Variants in TULP4 observed in about 807,000 individuals in gnomAD.
The protein encoded by TULP4 is TUB like protein 4, also known as tubby-related protein 4.
TULP4 carries 16 observed loss-of-function variants against 129.0 expected under a neutral mutation model. That is an observed-to-expected ratio of 0.12 (90% CI 0.08 to 0.19). TULP4 has a LOEUF of 0.19. Among genes scored for constraint, TULP4 ranks in the 10% least tolerant of loss-of-function variants. The probability of loss-of-function intolerance (pLI) is 1.00; values close to 1 mark genes in which losing one functional copy is unlikely to be tolerated. For missense variants in TULP4, 1,842 were observed against 2,059.1 expected, an observed-to-expected ratio of 0.89 and a Z score of 2.04; for synonymous variants, 998 against 854.0, an observed-to-expected ratio of 1.17 and a Z score of -2.94.
chr6:158,385,950 T>A (rs2114930060), intron 1 of TULP4, among the ~76,000 whole-genome samples: 1 of 146,970 alleles, frequency 6.8e-6, no homozygotes, highest in Non-Finnish European at 1.5e-5. Context: ...GCTCAAGCAA[T>A]CCTCCTGCAT....
At chr6:158,278,387 GTTTT>G (rs778202071), upstream of TULP4, among the ~76,000 whole-genome samples, 4 of 140,424 alleles carry the variant, frequency 2.8e-5, no homozygotes, top group Non-Finnish European at 6.3e-5. Flanking sequence ...GAAAATACTA[GTTTT>G]TTTTTTTTTT....
At chr6:158,505,127 C>T (rs557848295) in intron 13 of TULP4, among the ~76,000 whole-genome samples, 2 of 152,300 alleles carry the variant, frequency 1.3e-5, no homozygotes, top group South Asian at 2.1e-4. Flanking sequence ...GTTCTCGAAC[C>T]GGATGTTATC....
chr6:158,463,864 T>C (rs1779498815), intron 6 of TULP4, among the ~76,000 whole-genome samples: 1 of 152,110 alleles, frequency 6.6e-6, no homozygotes, highest in Non-Finnish European at 1.5e-5. Flanking sequence ...TTTATCGTCT[T>C]AACCATTTTT....
At chr6:158,248,634 G>A (rs557164033) in intron 1 of TULP4, among the ~76,000 whole-genome samples, 1 of 152,180 alleles carries the variant, frequency 6.6e-6, no homozygotes, top group African/African-American at 2.4e-5. Context: ...CCCGCTACTC[G>A]GAGGCCTGAG....
In TULP4 at chr6:158,334,603, G is replaced by GCACA. The variant is rs1189524194; in HGVS notation, c.252+20337_252+20338insCACA. 3.9e-5 allele frequency among the ~76,000 whole-genome samples: 6 copies of GCACA among 152,004 alleles called. No individual in the cohort carries two copies. The East Asian group carries it at 5.8e-4, about 15-fold the overall frequency. On this transcript the variant is annotated intron_variant, in intron 1 of 13. Transcript: ENST00000367097. The stretch of plus-strand genomic sequence containing the variant: ...GTGGGGGTTGGCACCCCTAACCCCC[G>GCACA]CATTGTTCAGGGGTTAGCTGTAGTT...
In TULP4 at chr6:158,502,361, G is replaced by A; in HGVS notation, c.2698G>A (p.Val900Met). The A allele has an allele frequency of 6.2e-7, 1 of 1,613,860 alleles. No homozygotes were observed. ...CGACAGCAGTGGCAACGTGGAGGAG[G>A]TGTGCCGGCCCCGCACCCGGATGCT... Reference protein sequence around the residue: ...TFDSSGNVEEVCRPRTRMLCS... With the variant: ...TFDSSGNVEEMCRPRTRMLCS... The change falls in exon 13 of 14, where the codon GTG becomes ATG. Residue 900 changes from valine (V) to methionine (M), a missense_variant. By Grantham distance (21) the Val-to-Met change is conservative. Transcript: ENST00000367097.
At chr6:158,342,606 A>C (rs563066958) in intron 1 of TULP4, among the ~76,000 whole-genome samples, 8 of 152,304 alleles carry the variant, frequency 5.3e-5, no homozygotes, top group Admixed American at 2.0e-4. Context: ...TTTGTATTTG[A>C]TACTTTAAAT....
intron 1 of TULP4, among the ~76,000 whole-genome samples, chr6:158,233,239 C>T (rs1777631568): frequency 6.6e-6 from 1 of 152,210 alleles, no homozygotes; most frequent in South Asian, 2.1e-4. Flanking sequence ...ACTTTCCTGT[C>T]GGGGATAATC....
At chr6:158,330,443 G>A (rs1452356828) in intron 1 of TULP4, among the ~76,000 whole-genome samples, 3 of 152,174 alleles carry the variant, frequency 2.0e-5, no homozygotes. Context: ...TGAACATTTT[G>A]CTTTATTCTG....
rs1214005637 is a variant in TULP4 at position 158,334,112 on chromosome 6, ACTGTT to A, written c.252+19847_252+19851del. On this transcript the variant is annotated intron_variant, in intron 1 of 13. Coordinates refer to ENST00000367097, the MANE Select transcript of TULP4 (RefSeq NM_020245.5). ...GCATCACAGTAAAAAGTGCCCTCTC[ACTGTT>A]CTCATGTATTTTTCCTCCTGTTTCG... is the stretch of plus-strand genomic sequence containing the variant. 3.3e-5 allele frequency among the ~76,000 whole-genome samples: 5 copies of A among 152,298 alleles called. No homozygotes were observed. The South Asian group carries it at 1.0e-3, about 32-fold the overall frequency.
chr6:158,328,583 G>A (rs1779801503), intron 1 of TULP4, among the ~76,000 whole-genome samples: 1 of 152,138 alleles, frequency 6.6e-6, no homozygotes, highest in African/African-American at 2.4e-5. Context: ...CTCAGCAGGG[G>A]AGAGGAGTGC....
intron 1 of TULP4, among the ~76,000 whole-genome samples, chr6:158,306,168 T>G (rs1779214147): frequency 6.6e-6 from 1 of 152,220 alleles, no homozygotes; most frequent in African/African-American, 2.4e-5. Context: ...ATTTTTAAAG[T>G]TTGGTTAAAA....
rs748081287 is a variant in TULP4 at position 158,449,031 on chromosome 6, C to A, written c.579C>A (p.Val193=). The A allele has an allele frequency of 1.3e-5, 21 of 1,613,578 alleles. No individual in the cohort carries two copies. Among genetic ancestry groups the A allele is most frequent in the Admixed American group, 6.7e-5 (4 of 59,994 alleles). The change falls in exon 4 of 14, where the codon GTC becomes GTA. Residue 193 remains valine, a synonymous_variant. Coordinates refer to ENST00000367097, the MANE Select transcript of TULP4 (RefSeq NM_020245.5). ...GCACGGCCGATGGGCAGGTGATTGT[C>A]ATGGATTGCCACGGCAGAATGCTGG... ...LFGTADGQVI[V]MDCHGRMLAH...
At position 158,436,763 on chromosome 6, in the gene TULP4, A is replaced by AT. The variant is rs1778762777; in HGVS notation, c.543+6868dup. Among the ~76,000 whole-genome samples, 3 of 152,358 alleles carry AT rather than the reference A, an allele frequency of 2.0e-5. No homozygotes were observed. The South Asian group carries it at 6.2e-4, about 32-fold the overall frequency. ...GTAGAAAGAATCCGGGCTGGTAAGT[A>AT]TTAAATAGTCACCATGGTAAAGCTT... On this transcript the variant is annotated intron_variant, in intron 3 of 13. Coordinates refer to ENST00000367097, the MANE Select transcript of TULP4 (RefSeq NM_020245.5).
At chr6:158,452,641 C>G (rs1779189634) in intron 5 of TULP4, among the ~76,000 whole-genome samples, 1 of 152,228 alleles carries the variant, frequency 6.6e-6, no homozygotes, top group Non-Finnish European at 1.5e-5. Flanking sequence ...CACAAGACAT[C>G]ATTTACACAG....
At chr6:158,336,537 G>A (rs1317937986) in intron 1 of TULP4, among the ~76,000 whole-genome samples, 3 of 152,096 alleles carry the variant, frequency 2.0e-5, no homozygotes, top group Admixed American at 2.0e-4. Flanking sequence ...ATATTTTCTT[G>A]TAGCTTAGAA....
rs1780701931 is a variant in TULP4 at position 158,510,009 on chromosome 6, A to G, written c.*3315A>G. ...GAATCCCTAAATTTAAAAGCAGTCCAGTAAAAGGTTAACTGTATAAAGAAT... is the reference window on the plus strand; with the variant it reads ...GAATCCCTAAATTTAAAAGCAGTCCGGTAAAAGGTTAACTGTATAAAGAAT... On this transcript the variant is annotated 3_prime_UTR_variant, in exon 14 of 14. Transcript: ENST00000367097. 6.6e-6 allele frequency: 1 copy of G among 152,472 alleles called. No individual in the cohort carries two copies. Among genetic ancestry groups the G allele is most frequent in the Non-Finnish European group, 1.5e-5 (1 of 68,048 alleles). 9.4% of individuals were successfully genotyped at this position (152,472 alleles called of 1,614,324 possible).
intron 1 of TULP4, among the ~76,000 whole-genome samples, chr6:158,353,178 T>C (rs1248360813): frequency 1.3e-5 from 2 of 152,218 alleles, no homozygotes; most frequent in Non-Finnish European, 2.9e-5. Context: ...GTGCTGTGTC[T>C]CCCAGTCCCT....
intron 1 of TULP4, among the ~76,000 whole-genome samples, chr6:158,387,148 G>C (rs1426658140): frequency 6.6e-6 from 1 of 152,166 alleles, no homozygotes; most frequent in African/African-American, 2.4e-5. Flanking sequence ...GACCACAGCA[G>C]CACTGTAAGT....
Sources: gnomAD v4.1 joint callset for allele counts (sites outside exome capture counted in the v4.1 genomes callset) on GRCh38, gnomAD v4.1.1 for gene constraint, MANE v1.5 for transcripts, NCBI Gene and HGNC (gene_info 2026-07-23, HGNC 2026-07-21) for gene names.